MAP4K3: variants seen among roughly 807,000 people sequenced by gnomAD.
The protein encoded by MAP4K3 is mitogen-activated protein kinase kinase kinase kinase 3.
MAP4K3 carries 94 observed loss-of-function variants against 143.5 expected under a neutral mutation model. That is an observed-to-expected ratio of 0.65 (90% CI 0.55 to 0.78). The LOEUF (loss-of-function observed/expected upper bound fraction) is 0.78, where lower values mean the gene tolerates loss of function less well. Ranked by LOEUF, MAP4K3 falls within the 30% of genes least tolerant of loss-of-function variation. The probability of loss-of-function intolerance (pLI) is 0.00; values close to 1 mark genes in which losing one functional copy is unlikely to be tolerated. For missense variants in MAP4K3, 1,077 were observed against 1,068.1 expected, an observed-to-expected ratio of 1.01 and a Z score of -0.12; for synonymous variants, 416 against 347.2, an observed-to-expected ratio of 1.20 and a Z score of -2.20.
intron 32 of MAP4K3, among the ~76,000 whole-genome samples, chr2:39,252,814 T>C (rs1306209296): frequency 6.6e-6 from 1 of 152,238 alleles, no homozygotes; most frequent in African/African-American, 2.4e-5. Context: ...GGAAACAACA[T>C]GCTCAGCATG....
chr2:39,290,387 T>C, intron 18 of MAP4K3, 53 bp from the exon 19 acceptor site: 1 of 1,143,850 alleles, frequency 8.7e-7, no homozygotes, highest in Middle Eastern at 2.2e-4. Flanking sequence ...AATGAATCAA[T>C]CCTAAAATAT....
Position 39,250,528 on chromosome 2 carries a change from C to T in MAP4K3, c.*90G>A. Reference sequence around the variant, plus strand: ...TTACAAAGTAACTGAAGACAGGTTACTGCAGCTTTTGTACAGCTTCAAGCA... The same window carrying T: ...TTACAAAGTAACTGAAGACAGGTTATTGCAGCTTTTGTACAGCTTCAAGCA... On this transcript the variant is annotated 3_prime_UTR_variant, in exon 34 of 34. Coordinates refer to ENST00000263881, the MANE Select transcript of MAP4K3 (RefSeq NM_003618.4). 1 of 1,220,740 alleles carries T rather than the reference C, an allele frequency of 8.2e-7. No individual in the cohort carries two copies. Among genetic ancestry groups the T allele is most frequent in the Non-Finnish European group, 1.2e-6 (1 of 857,038 alleles). The allele number at this position is 1,220,740 out of a possible 1,614,324, so 75.6% of individuals were successfully genotyped here. A position where few individuals can be genotyped will look rare whatever the true frequency, so the allele number is the denominator to read the frequency against.
chr2:39,361,640 C>A (rs544597937), intron 2 of MAP4K3, among the ~76,000 whole-genome samples: 1 of 151,674 alleles, frequency 6.6e-6, no homozygotes, highest in East Asian at 1.9e-4. Flanking sequence ...AGGCTCCATA[C>A]AAAGTTTAAA....
intron 1 of MAP4K3, among the ~76,000 whole-genome samples, chr2:39,404,182 G>A (rs1351756281): frequency 1.3e-5 from 2 of 152,064 alleles, no homozygotes; most frequent in East Asian, 1.9e-4. Flanking sequence ...AAAGACTCCT[G>A]CTTGAGAAAA....
chr2:39,290,648 G>T (rs923672508), intron 18 of MAP4K3, among the ~76,000 whole-genome samples: 4 of 152,120 alleles, frequency 2.6e-5, no homozygotes, highest in Admixed American at 6.5e-5. Context: ...AGGATACTAG[G>T]AACTGGGAAG....
Position 39,254,532 on chromosome 2 carries a change from G to A in MAP4K3, c.2471-12C>T, listed in dbSNP as rs902313655. ...GTCTTGTAGGCACACTAGCAGGCAAGAACAGCTCAATTACTGTTAATAGTA... is the reference window on the plus strand; with the variant it reads ...GTCTTGTAGGCACACTAGCAGGCAAAAACAGCTCAATTACTGTTAATAGTA... On this transcript the variant is annotated splice_polypyrimidine_tract_variant and intron_variant, in intron 31 of 33. Coordinates refer to ENST00000263881, the MANE Select transcript of MAP4K3 (RefSeq NM_003618.4). 1.3e-5 allele frequency: 21 copies of A among 1,610,250 alleles called. No homozygotes were observed. The African/African-American group carries it at 2.1e-4, about 16-fold the overall frequency.
intron 19 of MAP4K3, among the ~76,000 whole-genome samples, chr2:39,289,433 T>C (rs566260968): frequency 1.8e-3 from 280 of 152,314 alleles, no homozygotes; most frequent in African/African-American, 6.3e-3. Flanking sequence ...TAATTAAAAT[T>C]TGCTATGCAT....
rs183497951 is a variant in MAP4K3, at chr2:39,415,931, C to T, written c.96+20961G>A. 3.6e-3 allele frequency among the ~76,000 whole-genome samples: 349 copies of T among 97,822 alleles called. 2 individuals are homozygous for T. Among genetic ancestry groups the T allele is most frequent in the Middle Eastern group, 0.011 (1 of 92 alleles). 64.2% of individuals were successfully genotyped at this position (97,822 alleles called of 152,430 possible). A position where few individuals can be genotyped will look rare whatever the true frequency, so the allele number is the denominator to read the frequency against. On this transcript the variant is annotated intron_variant, in intron 1 of 33. Coordinates refer to ENST00000263881, the MANE Select transcript of MAP4K3 (RefSeq NM_003618.4). ...TCGCACCATTGCACTCCAGTCTGGG[C>T]GAGAGAGCAAGGCTCTGTCTCAAAA... is the stretch of plus-strand genomic sequence containing the variant.
intron 15 of MAP4K3, among the ~76,000 whole-genome samples, chr2:39,306,432 G>C (rs756997578): frequency 6.6e-6 from 1 of 152,278 alleles, no homozygotes; most frequent in East Asian, 1.9e-4. Flanking sequence ...TTTTGAGACA[G>C]TGCATTTACT....
At chr2:39,435,365 A>T (rs973840734) in intron 1 of MAP4K3, among the ~76,000 whole-genome samples, 2 of 152,206 alleles carry the variant, frequency 1.3e-5, no homozygotes, top group South Asian at 4.1e-4. Flanking sequence ...GGCCTGCAAG[A>T]TCTAGGGCCA....
At chr2:39,309,748 C>G (rs1300076573) in intron 13 of MAP4K3, among the ~76,000 whole-genome samples, 1 of 151,230 alleles carries the variant, frequency 6.6e-6, no homozygotes, top group Non-Finnish European at 1.5e-5. Context: ...TTAGTAGAGA[C>G]GGGGTTTCAC....
intron 1 of MAP4K3, among the ~76,000 whole-genome samples, chr2:39,388,829 G>C (rs1467232576): frequency 3.3e-5 from 5 of 152,200 alleles, no homozygotes; most frequent in African/African-American, 9.7e-5. Flanking sequence ...GCACCTGGCA[G>C]AGGGAGAAAC....
intron 1 of MAP4K3, among the ~76,000 whole-genome samples, chr2:39,433,483 T>C (rs1343512022): frequency 1.3e-5 from 2 of 152,184 alleles, no homozygotes; most frequent in African/African-American, 2.4e-5. Flanking sequence ...GATGGCACAA[T>C]GCATGTGAAA....
At position 39,302,899 on chromosome 2, in the gene MAP4K3, C is replaced by T. The variant is rs960835499; in HGVS notation, c.1120-3098G>A. Among the ~76,000 whole-genome samples the T allele has an allele frequency of 9.9e-5, 15 of 152,180 alleles. No individual in the cohort carries two copies. In the South Asian group the frequency reaches 1.0e-3, roughly 11 times the overall value. Reference sequence around the variant, plus strand: ...TCCTAATTTCAGCAGTTCATTTTAGCGAATGGGAGACTATTTCTAAATTTC... The same window carrying T: ...TCCTAATTTCAGCAGTTCATTTTAGTGAATGGGAGACTATTTCTAAATTTC... On this transcript the variant is annotated intron_variant, in intron 15 of 33. Coordinates refer to ENST00000263881, the MANE Select transcript of MAP4K3 (RefSeq NM_003618.4).
intron 1 of MAP4K3, among the ~76,000 whole-genome samples, chr2:39,403,606 C>G (rs753092833): frequency 9.9e-5 from 15 of 152,192 alleles, no homozygotes; most frequent in Non-Finnish European, 2.2e-4. Context: ...CAAGCCTCCC[C>G]ACCATGGGAT....
Position 39,315,376 on chromosome 2 carries a change from C to T in MAP4K3, c.931G>A (p.Val311Ile). 1.9e-6 allele frequency: 3 copies of T among 1,610,688 alleles called. No individual in the cohort carries two copies. The highest frequency in any genetic ancestry group is 2.5e-6 in the Non-Finnish European group (3 of 1,178,068). Residue 311 changes from valine (V) to isoleucine (I), a missense_variant, in exon 13 of 34, where the codon GTA (valine) becomes ATA (isoleucine). Transcript: ENST00000263881. ...DDDDPEPLVA[V>I]PHRIHSTSRN... Reference sequence around the variant, plus strand: ...CTTGTTGAGTGAATTCTATGTGGTACAGCAACAAGAGGCTAGAAAAGAACA... The same window carrying T: ...CTTGTTGAGTGAATTCTATGTGGTATAGCAACAAGAGGCTAGAAAAGAACA...
chr2:39,337,061 T>C (rs1265442274), intron 5 of MAP4K3, 94 bp from the exon 6 acceptor site: 7 of 602,128 alleles, frequency 1.2e-5, no homozygotes, highest in African/African-American at 1.9e-5. Context: ...TCTGTGTATT[T>C]TATTTAATCT....
chr2:39,290,230 A>G, intron 19 of MAP4K3, 62 bp downstream of exon 19: 1 of 1,245,114 alleles, frequency 8.0e-7, no homozygotes, highest in Admixed American at 2.4e-5. Flanking sequence ...AACTCTCAAC[A>G]AAGTATTAAA....
At chr2:39,398,616 A>G (rs982612782) in intron 1 of MAP4K3, among the ~76,000 whole-genome samples, 3 of 151,248 alleles carry the variant, frequency 2.0e-5, no homozygotes, top group Non-Finnish European at 4.4e-5. Context: ...AATTTGAAAT[A>G]AAAAGATAAG....
Sources: allele counts gnomAD v4.1 joint callset (sites outside exome capture counted in the v4.1 genomes callset), GRCh38; gene constraint gnomAD v4.1.1; transcripts MANE v1.5; gene names NCBI Gene and HGNC (gene_info 2026-07-23, HGNC 2026-07-21).